Variants in PRORP observed in about 807,000 individuals in gnomAD.
PRORP encodes the protein mitochondrial ribonuclease P catalytic subunit.
PRORP carries 51 observed loss-of-function variants against 59.4 expected under a neutral mutation model. The ratio of observed to expected loss-of-function variants is 0.86; its 90% CI spans 0.69 to 1.08. The LOEUF (loss-of-function observed/expected upper bound fraction) is 1.08. Ranked by LOEUF, PRORP falls within the 50% of genes least tolerant of loss-of-function variation. PRORP has a pLI of 0.00. For synonymous variants in PRORP, 231 were observed against 245.6 expected, an observed-to-expected ratio of 0.94 and a Z score of 0.55; for missense variants, 646 against 690.3, an observed-to-expected ratio of 0.94 and a Z score of 0.72.
chr14:35,143,909 A>G (rs986201906), intron 4 of PRORP: 3 of 145,544 alleles, frequency 2.1e-5, no homozygotes, highest in Non-Finnish European at 4.6e-5. Context: ...CAGCCTCCCA[A>G]AGTGCTGGGA....
chr14:35,269,547 G>A (rs2051132918), intron 6 of PRORP, among the ~76,000 whole-genome samples: 1 of 152,158 alleles, frequency 6.6e-6, no homozygotes, highest in Non-Finnish European at 1.5e-5. Context: ...ATAATATAGT[G>A]AATAGTGAGT....
intron 5 of PRORP, among the ~76,000 whole-genome samples, chr14:35,181,863 A>G (rs185203288): frequency 1.3e-3 from 194 of 152,128 alleles, no homozygotes; most frequent in Non-Finnish European, 2.2e-3. Context: ...ATTGAAGCAT[A>G]TGTAAAGTTG....
intron 5 of PRORP, among the ~76,000 whole-genome samples, chr14:35,204,241 TAAGA>T (rs1414746113): frequency 2.0e-5 from 3 of 152,114 alleles, no homozygotes; most frequent in African/African-American, 7.2e-5. Flanking sequence ...GGAAAATATT[TAAGA>T]AAGAAATGAG....
intron 2 of PRORP, among the ~76,000 whole-genome samples, chr14:35,125,280 G>A (rs2047071105): frequency 6.6e-6 from 1 of 152,016 alleles, no homozygotes; most frequent in Non-Finnish European, 1.5e-5. Flanking sequence ...GTTTGTTTTG[G>A]ACCTTTCTAT....
At chr14:35,268,277 C>T (rs1014756152) in intron 6 of PRORP, among the ~76,000 whole-genome samples, 1 of 141,644 alleles carries the variant, frequency 7.1e-6, no homozygotes, top group Admixed American at 7.5e-5. Context: ...CCTGGAAAGC[C>T]GAGGTTGCAG....
chr14:35,204,176 C>T (rs1451466746), intron 5 of PRORP, among the ~76,000 whole-genome samples: 3 of 151,852 alleles, frequency 2.0e-5, no homozygotes, highest in African/African-American at 2.4e-5. Context: ...CACTTTAAAC[C>T]GTTGTCAGAG....
intron 4 of PRORP, among the ~76,000 whole-genome samples, chr14:35,154,902 C>G (rs182665963): frequency 0.012 from 1,781 of 149,094 alleles, 41 homozygotes; most frequent in African/African-American, 0.042. Context: ...AGTTAAAACT[C>G]TTTTTTTTTT....
chr14:35,210,215 C>T (rs1023398496), intron 5 of PRORP, among the ~76,000 whole-genome samples: 2 of 152,124 alleles, frequency 1.3e-5, no homozygotes, highest in African/African-American at 4.8e-5. Context: ...AGAAGAAGGA[C>T]CTTTGGCTGA....
At chr14:35,246,845 CTTCTT>C (rs1035692524) in intron 5 of PRORP, among the ~76,000 whole-genome samples, 21 of 152,278 alleles carry the variant, frequency 1.4e-4, no homozygotes, top group Admixed American at 1.1e-3. Context: ...TTTCCTCTCT[CTTCTT>C]TTCTTTTTTG....
At chr14:35,191,339 C>T (rs560796950) in intron 5 of PRORP, among the ~76,000 whole-genome samples, 7 of 152,256 alleles carry the variant, frequency 4.6e-5, no homozygotes, top group African/African-American at 1.7e-4. Context: ...GTGAGGCCTC[C>T]CAAGCCACGT....
intron 5 of PRORP, among the ~76,000 whole-genome samples, chr14:35,206,930 A>G (rs1361671349): frequency 6.6e-6 from 1 of 152,232 alleles, no homozygotes; most frequent in Non-Finnish European, 1.5e-5. Context: ...GGGATTATGC[A>G]TGTATCATTT....
chr14:35,197,096 T>G (rs559451497), intron 5 of PRORP, among the ~76,000 whole-genome samples: 3 of 152,194 alleles, frequency 2.0e-5, no homozygotes, highest in Non-Finnish European at 4.4e-5. Context: ...TTAAAAACAC[T>G]GTGTTGCCAA....
intron 4 of PRORP, among the ~76,000 whole-genome samples, chr14:35,169,181 T>C (rs1252706882): frequency 6.6e-6 from 1 of 152,092 alleles, no homozygotes; most frequent in Non-Finnish European, 1.5e-5. Flanking sequence ...ATTTTTATTA[T>C]CACTTAGTTC....
Position 35,123,547 on chromosome 14 carries a change from A to C in PRORP, c.302A>C (p.Glu101Ala). The change falls in exon 2 of 8, where the codon GAA becomes GCA. Residue 101 changes from glutamate to alanine, a missense_variant. Physicochemically the swap from Glu to Ala is moderately radical, Grantham distance 107. Coordinates refer to ENST00000534898, the MANE Select transcript of PRORP (RefSeq NM_014672.4). Reference protein sequence around the residue: ...KERSQMNSQTEDHALAPVRNT... With the variant: ...KERSQMNSQTADHALAPVRNT... ...AGATCACAGATGAATTCTCAAACTG[A>C]AGATCATGCCTTGGCACCTGTGAGG... is the stretch of plus-strand genomic sequence containing the variant. 2 of 1,614,178 alleles carry C rather than the reference A, an allele frequency of 1.2e-6. No individual in the cohort carries two copies. The highest frequency in any genetic ancestry group is 1.7e-6 in the Non-Finnish European group (2 of 1,180,030).
At chr14:35,259,533 C>T (rs2050845205) in intron 5 of PRORP, among the ~76,000 whole-genome samples, 1 of 152,082 alleles carries the variant, frequency 6.6e-6, no homozygotes, top group Admixed American at 6.6e-5. Flanking sequence ...TTCCTCCCTT[C>T]CTATGGACTA....
chr14:35,196,824 A>T (rs556433336), intron 5 of PRORP, among the ~76,000 whole-genome samples: 1 of 152,114 alleles, frequency 6.6e-6, no homozygotes, highest in Non-Finnish European at 1.5e-5. Context: ...TTGTCATGTG[A>T]CTGCTGGGAT....
At chr14:35,213,561 T>C (rs2049507474) in intron 5 of PRORP, among the ~76,000 whole-genome samples, 1 of 152,244 alleles carries the variant, frequency 6.6e-6, no homozygotes, top group Non-Finnish European at 1.5e-5. Context: ...CATCTGTAGA[T>C]TTTTATTTAA....
At chr14:35,130,956 C>CT (rs889283329) in intron 4 of PRORP, among the ~76,000 whole-genome samples, 5 of 143,086 alleles carry the variant, frequency 3.5e-5, no homozygotes, top group Non-Finnish European at 6.1e-5. Context: ...TCTTCTTCTT[C>CT]TTTTTTTTTG....
chr14:35,217,810 C>T, intron 5 of PRORP, among the ~76,000 whole-genome samples: 1 of 152,098 alleles, frequency 6.6e-6, no homozygotes, highest in East Asian at 1.9e-4. Context: ...GTTTGTCTGT[C>T]TTTATGCCAG....
Sources: gnomAD v4.1 joint callset for allele counts (sites outside exome capture counted in the v4.1 genomes callset) on GRCh38, gnomAD v4.1.1 for gene constraint, MANE v1.5 for transcripts, NCBI Gene and HGNC (gene_info 2026-07-23, HGNC 2026-07-21) for gene names.